Variants in CDKAL1 observed in about 807,000 individuals in gnomAD.
CDKAL1 encodes CDKAL1 threonylcarbamoyladenosine tRNA methylthiotransferase, also known as threonylcarbamoyladenosine tRNA methylthiotransferase.
In CDKAL1, 32 loss-of-function variants were observed where a neutral mutation model predicts 68.2. The ratio of observed to expected loss-of-function variants is 0.47; its 90% confidence interval spans 0.35 to 0.63. The LOEUF (loss-of-function observed/expected upper bound fraction) is 0.63. Ranked by LOEUF, CDKAL1 falls within the 30% of genes least tolerant of loss-of-function variation. The pLI is 0.00. For synonymous variants in CDKAL1, 234 were observed against 244.3 expected (o/e 0.96, Z 0.39); for missense variants, 606 against 696.7 (o/e 0.87, Z 1.47).
At chr6:20,618,075 T>C (rs1185428046) in intron 4 of CDKAL1, among the ~76,000 whole-genome samples, 2 of 152,130 alleles carry the variant, frequency 1.3e-5, no homozygotes, top group East Asian at 1.9e-4. Flanking sequence ...CTCTCTGGCA[T>C]CTGTTGTTTC....
intron 12 of CDKAL1, among the ~76,000 whole-genome samples, chr6:21,066,647 G>A (rs1367772931): frequency 6.6e-6 from 1 of 152,026 alleles, no homozygotes; most frequent in East Asian, 1.9e-4. Context: ...TTTCAGACAG[G>A]GTATCGCTCT....
chr6:20,953,094 C>T (rs1024853105), intron 9 of CDKAL1, among the ~76,000 whole-genome samples: 3 of 152,170 alleles, frequency 2.0e-5, no homozygotes, highest in Non-Finnish European at 4.4e-5. Context: ...AACCAGGTTG[C>T]TATTATATAG....
intron 6 of CDKAL1, among the ~76,000 whole-genome samples, chr6:20,748,554 G>GAAAAAAAAAAAAAAAAAAAAAAA (rs1773762406): frequency 2.6e-5 from 2 of 77,106 alleles, no homozygotes; most frequent in African/African-American, 9.5e-5. Flanking sequence ...CTCTGTTTCT[G>GAAAAAAAAAAAAAAAAAAAAAAA]GAAAAAAAAA....
chr6:20,770,497 T>G (rs1047861564), intron 7 of CDKAL1, among the ~76,000 whole-genome samples: 1 of 152,130 alleles, frequency 6.6e-6, no homozygotes, highest in Non-Finnish European at 1.5e-5. Context: ...GCCACATGAG[T>G]TTTGCAGCTG....
At chr6:20,548,345 CA>C (rs1482022672) in intron 3 of CDKAL1, among the ~76,000 whole-genome samples, 1 of 152,006 alleles carries the variant, frequency 6.6e-6, no homozygotes, top group Non-Finnish European at 1.5e-5. Context: ...TCAGCCTGGA[CA>C]GTATAGTGGG....
At chr6:20,607,507 A>G (rs941599374) in intron 4 of CDKAL1, among the ~76,000 whole-genome samples, 2 of 152,144 alleles carry the variant, frequency 1.3e-5, no homozygotes, top group Non-Finnish European at 2.9e-5. Context: ...AACAATTTAA[A>G]TAACACTATA....
chr6:20,664,098 C>T (rs1769414945), intron 5 of CDKAL1, among the ~76,000 whole-genome samples: 1 of 152,096 alleles, frequency 6.6e-6, no homozygotes, highest in Non-Finnish European at 1.5e-5. Context: ...TTAACGCTAT[C>T]AAATTCTCAT....
intron 8 of CDKAL1, among the ~76,000 whole-genome samples, chr6:20,787,818 G>A (rs915133564): frequency 6.6e-6 from 1 of 152,124 alleles, no homozygotes; most frequent in African/African-American, 2.4e-5. Flanking sequence ...TTTTAAGGCA[G>A]TTTAACGTCA....
At chr6:21,110,776 T>C (rs1056334431) in intron 13 of CDKAL1, among the ~76,000 whole-genome samples, 5 of 152,052 alleles carry the variant, frequency 3.3e-5, no homozygotes, top group African/African-American at 4.8e-5. Flanking sequence ...CTGAGCAACA[T>C]TGTGAAACTC....
At chr6:20,700,397 A>G (rs1379483093) in intron 5 of CDKAL1, among the ~76,000 whole-genome samples, 1 of 152,168 alleles carries the variant, frequency 6.6e-6, no homozygotes, top group Admixed American at 6.5e-5. Context: ...ACTGAATGAT[A>G]GTGACTCCCC....
intron 2 of CDKAL1, among the ~76,000 whole-genome samples, chr6:20,537,172 A>G (rs1763207740): frequency 6.6e-6 from 1 of 152,170 alleles, no homozygotes; most frequent in Admixed American, 6.5e-5. Flanking sequence ...TGAGTGTTGA[A>G]GATTGAGAAC....
chr6:21,094,974 T>A (rs1358707756), intron 12 of CDKAL1, among the ~76,000 whole-genome samples: 1 of 152,230 alleles, frequency 6.6e-6, no homozygotes, highest in Non-Finnish European at 1.5e-5. Context: ...TCTAAACATG[T>A]TGTGTGTTAA....
intron 9 of CDKAL1, among the ~76,000 whole-genome samples, chr6:20,925,732 T>C (rs1325861927): frequency 1.3e-5 from 2 of 152,138 alleles, no homozygotes; most frequent in African/African-American, 4.8e-5. Context: ...CGATAAATGA[T>C]ACTAATGATA....
intron 12 of CDKAL1, among the ~76,000 whole-genome samples, chr6:21,071,260 T>TCC (rs1276350409): frequency 6.6e-6 from 1 of 151,950 alleles, no homozygotes; most frequent in Admixed American, 6.6e-5. Context: ...GGGGGCAGAT[T>TCC]CCCCCATGCT....
chr6:21,078,739 A>G (rs1238092878), intron 12 of CDKAL1, among the ~76,000 whole-genome samples: 2 of 152,082 alleles, frequency 1.3e-5, no homozygotes, highest in Non-Finnish European at 2.9e-5. Context: ...GAGAGCTTGG[A>G]TCATTTGCAC....
intron 8 of CDKAL1, among the ~76,000 whole-genome samples, chr6:20,786,592 G>C (rs974535410): frequency 2.7e-5 from 4 of 150,412 alleles, no homozygotes; most frequent in African/African-American, 9.8e-5. Flanking sequence ...CCGCCTCCCG[G>C]GTTCAAGCGA....
At chr6:20,979,797 C>A (rs1309054463) in intron 10 of CDKAL1, among the ~76,000 whole-genome samples, 1 of 139,490 alleles carries the variant, frequency 7.2e-6, no homozygotes, top group African/African-American at 2.7e-5. Flanking sequence ...TTTGGGACAG[C>A]ATCTCACTTT....
In CDKAL1 at chr6:20,684,525, G is replaced by A. The variant is rs74511351; in HGVS notation, c.371+35148G>A. ...ATAAGTTGTCAACTCTTCTGGGAGG[G>A]CAAAAGGAAGGTAATTGCTAGATCT... On this transcript the variant is annotated intron_variant, in intron 5 of 15. Transcript: ENST00000274695. Among the ~76,000 whole-genome samples, 1,348 of 152,308 alleles carry A rather than the reference G, an allele frequency of 8.9e-3. 26 individuals carry two copies. Among genetic ancestry groups the A allele is most frequent in the African/African-American group, 0.031 (1,280 of 41,556 alleles).
chr6:21,099,529 T>C (rs935699686), intron 12 of CDKAL1, among the ~76,000 whole-genome samples: 1 of 152,120 alleles, frequency 6.6e-6, no homozygotes, highest in African/African-American at 2.4e-5. Context: ...TTGCCAACCA[T>C]TGATTTCGAG....
Sources: gnomAD v4.1 joint callset for allele counts (sites outside exome capture counted in the v4.1 genomes callset) on GRCh38, gnomAD v4.1.1 for gene constraint, MANE v1.5 for transcripts, NCBI Gene and HGNC (gene_info 2026-07-23, HGNC 2026-07-21) for gene names.